The following NUMA1 variants were observed in gnomAD, a reference collection of about 807,000 sequenced individuals.
The protein encoded by NUMA1 is SP-H antigen.
Under a neutral mutation model 237.1 loss-of-function variants are expected in NUMA1, and 62 were observed. The observed-to-expected ratio is 0.26, with a 90% CI of 0.21 to 0.32. The LOEUF is 0.32. Among genes scored for constraint, NUMA1 ranks in the 10% least tolerant of loss-of-function variants. NUMA1 has a pLI of 1.00. For missense variants in NUMA1, 2,533 were observed against 2,666.5 expected (o/e 0.95, Z 1.10); for synonymous variants, 1,028 against 1,066.1 (o/e 0.96, Z 0.70).
intron 16 of NUMA1, among the ~76,000 whole-genome samples, chr11:72,011,158 G>C (rs1956133819): frequency 6.6e-6 from 1 of 152,134 alleles, no homozygotes; most frequent in Admixed American, 6.5e-5. Flanking sequence ...ATTGACTCTG[G>C]GGAGCCGACA....
rs1312787885 is a variant in NUMA1, at chr11:72,014,470, C to T, written c.3033G>A (p.Gln1011=). ...GGTCAGCCTGGGCACGGCCCCGCTC[C>T]TGGGTCAGCCGCGCCACCTCCCTTT... The part of the protein sequence containing the change: ...QQEREVARLT[Q]ERGRAQADLA... The change falls in exon 15 of 27, where the codon CAG becomes CAA. Residue 1011 remains glutamine (Q), a synonymous_variant. Coordinates refer to ENST00000393695, the MANE Select transcript of NUMA1 (RefSeq NM_006185.4). The surrounding 1 kb of genome is among the most constrained non-coding windows in gnomAD (Gnocchi z 4.6). 1 of 1,603,204 alleles carries T rather than the reference C, an allele frequency of 6.2e-7. No individual in the cohort carries two copies. The highest frequency in any genetic ancestry group is 1.7e-5 in the Admixed American group (1 of 60,016).
At chr11:72,044,604 G>T (rs920693867) in intron 2 of NUMA1, among the ~76,000 whole-genome samples, 2 of 2,200 alleles carry the variant, frequency 9.1e-4, no homozygotes, top group Non-Finnish European at 4.2e-3. Context: ...GGTTACTTTG[G>T]GGGGGGGGAG....
chr11:72,024,558 T>C, intron 4 of NUMA1: 1 of 568,992 alleles, frequency 1.8e-6, no homozygotes, highest in South Asian at 2.0e-5. Flanking sequence ...AGAGGGGACT[T>C]GAGGCATGGG....
At chr11:72,028,450 TAAAAAAA>T (rs11300189) in intron 4 of NUMA1, among the ~76,000 whole-genome samples, 4 of 75,368 alleles carry the variant, frequency 5.3e-5, no homozygotes, top group African/African-American at 2.3e-4. Flanking sequence ...TGCTTTTTCT[TAAAAAAA>T]AAAAAAAAAA....
intron 9 of NUMA1, 76 bp downstream of exon 9, chr11:72,019,418 T>C: frequency 6.4e-7 from 1 of 1,570,728 alleles, no homozygotes; most frequent in South Asian, 1.1e-5. Context: ...GTTAACATCT[T>C]AACTCTAGAA....
At chr11:72,007,671 C>A in intron 20 of NUMA1, 1 of 567,398 alleles carries the variant, frequency 1.8e-6, no homozygotes, top group Non-Finnish European at 3.1e-6. Context: ...CCCAGATGTC[C>A]CATCCCCACC....
At chr11:72,050,754 C>G (rs1269287673) in intron 2 of NUMA1, 1 of 152,232 alleles carries the variant, frequency 6.6e-6, no homozygotes, top group Non-Finnish European at 1.5e-5. Context: ...TCAGCTACAT[C>G]CTCTATCTTT....
intron 16 of NUMA1, among the ~76,000 whole-genome samples, chr11:72,011,817 G>A (rs973242740): frequency 6.6e-6 from 1 of 151,910 alleles, no homozygotes; most frequent in Non-Finnish European, 1.5e-5. Context: ...ATCTGGTATA[G>A]ACCCCTCCTG....
chr11:72,015,763 G>A lies in NUMA1; in HGVS notation c.1740C>T (p.Asp580=), dbSNP rs778798270. Reference sequence around the variant, plus strand: ...CAGCAGTGGCCAGTTGCTGGGCATGGTCCTGCCTAGTTGCCTCCTGCTTCT... The same window carrying A: ...CAGCAGTGGCCAGTTGCTGGGCATGATCCTGCCTAGTTGCCTCCTGCTTCT... ...VAEKQEATRQ[D]HAQQLATAAE... is the part of the protein sequence containing the mutation. Residue 580 remains aspartate (D), a synonymous_variant, in exon 15 of 27, where the codon GAC becomes GAT. Coordinates refer to ENST00000393695, the MANE Select transcript of NUMA1 (RefSeq NM_006185.4). The surrounding 1 kb of genome is among the most constrained non-coding windows in gnomAD (Gnocchi z 4.0). 1.2e-6 allele frequency: 2 copies of A among 1,614,196 alleles called. No homozygotes were observed. The highest frequency in any genetic ancestry group is 1.1e-5 in the South Asian group (1 of 91,078).
intron 2 of NUMA1, among the ~76,000 whole-genome samples, chr11:72,060,808 C>T (rs1942898424): frequency 6.6e-6 from 1 of 152,184 alleles, no homozygotes; most frequent in South Asian, 2.1e-4. Context: ...CGGTAGCCCA[C>T]ACCTGTAATC....
intron 3 of NUMA1, among the ~76,000 whole-genome samples, chr11:72,033,764 C>T (rs1940649553): frequency 6.6e-6 from 1 of 152,100 alleles, no homozygotes; most frequent in African/African-American, 2.4e-5. Context: ...CTCATGCCTA[C>T]AATCCTAACA....
intron 22 of NUMA1, 23 bp downstream of exon 22, chr11:72,006,012 G>T (rs1448186759): frequency 3.2e-6 from 5 of 1,567,574 alleles, no homozygotes; most frequent in Non-Finnish European, 4.4e-6. Context: ...TTGGGGTATA[G>T]TAAGTCCCTG....
chr11:72,017,458 G>A, intron 13 of NUMA1: 1 of 567,566 alleles, frequency 1.8e-6, no homozygotes, highest in Non-Finnish European at 3.2e-6. Context: ...GCAGAGATAG[G>A]ATTGAAAGGT....
chr11:72,022,858 A>G (rs767228788), intron 6 of NUMA1, among the ~76,000 whole-genome samples: 25 of 152,262 alleles, frequency 1.6e-4, no homozygotes, highest in Non-Finnish European at 2.9e-4. Context: ...AATCTCTGTC[A>G]TAAGATCATG....
At chr11:72,026,638 G>A (rs1286752733) in intron 4 of NUMA1, among the ~76,000 whole-genome samples, 1 of 152,138 alleles carries the variant, frequency 6.6e-6, no homozygotes, top group Admixed American at 6.5e-5. Flanking sequence ...AACTCCCACA[G>A]CTTATTTTTT....
intron 2 of NUMA1, among the ~76,000 whole-genome samples, 165 bp downstream of exon 2, chr11:72,069,677 A>G (rs752851206): frequency 2.0e-5 from 3 of 152,116 alleles, no homozygotes; most frequent in Non-Finnish European, 4.4e-5. Flanking sequence ...TCTTTATTAA[A>G]CCTCTCTGCT....
At chr11:72,028,338 C>T (rs2135493997) in intron 4 of NUMA1, among the ~76,000 whole-genome samples, 1 of 151,376 alleles carries the variant, frequency 6.6e-6, no homozygotes, top group East Asian at 2.0e-4. Flanking sequence ...GTGCTTGCTT[C>T]AGAGATATGA....
chr11:72,005,833 G>T, intron 22 of NUMA1: 2 of 589,368 alleles, frequency 3.4e-6, no homozygotes, highest in Non-Finnish European at 6.0e-6. Context: ...CTTAACTCTG[G>T]CTAAGAGTGC....
intron 2 of NUMA1, among the ~76,000 whole-genome samples, chr11:72,043,743 G>A (rs944618678): frequency 6.6e-6 from 1 of 151,970 alleles, no homozygotes; most frequent in African/African-American, 2.4e-5. Context: ...ATAATATATA[G>A]GCTAAAATGT....
Sources: allele counts gnomAD v4.1 joint callset (sites outside exome capture counted in the v4.1 genomes callset), GRCh38; gene constraint gnomAD v4.1.1; non-coding constraint Gnocchi (gnomAD v3.1); transcripts MANE v1.5; gene names NCBI Gene and HGNC (gene_info 2026-07-23, HGNC 2026-07-21).